The following SAMD5 variants were observed in gnomAD, a reference collection of about 807,000 sequenced individuals.
The protein encoded by SAMD5 is sterile alpha motif domain containing 5.
SAMD5 carries 13 observed loss-of-function variants against 11.3 expected under a neutral mutation model. The ratio of observed to expected loss-of-function variants is 1.15; its 90% CI spans 0.75 to 1.83. The LOEUF is 1.83. Among genes scored for constraint, SAMD5 ranks in the 40% most tolerant of loss-of-function variants. The probability of loss-of-function intolerance (pLI) is 0.00; values close to 1 mark genes in which losing one functional copy is unlikely to be tolerated. For synonymous variants in SAMD5, 129 were observed against 111.3 expected (o/e 1.16, Z -1.00); for missense variants, 255 against 239.1 (o/e 1.07, Z -0.44).
chr6:147,797,870 A>T, the SAMD5 span, among the ~76,000 whole-genome samples: 5 of 151,114 alleles, frequency 3.3e-5, no homozygotes, highest in East Asian at 7.8e-4. Flanking sequence ...GTTTTGTAGT[A>T]TTCTCTGATG....
At chr6:147,691,396 A>G (rs975546919) in intron 1 of SAMD5, among the ~76,000 whole-genome samples, 1 of 152,242 alleles carries the variant, frequency 6.6e-6, no homozygotes, top group Non-Finnish European at 1.5e-5. Context: ...ATTAATTAAT[A>G]CAAAAATATC....
intron 1 of SAMD5, among the ~76,000 whole-genome samples, chr6:147,582,676 A>G (rs891346897): frequency 6.6e-6 from 1 of 152,230 alleles, no homozygotes; most frequent in Non-Finnish European, 1.5e-5. Flanking sequence ...GACTAAAGTG[A>G]AAGCCAGAAT....
intron 1 of SAMD5, among the ~76,000 whole-genome samples, chr6:147,550,955 AAC>A (rs947367888): frequency 3.4e-4 from 52 of 152,276 alleles, no homozygotes; most frequent in African/African-American, 1.2e-3. Context: ...CTGGTGCCAT[AAC>A]ACACAGATTT....
At chr6:147,724,808 G>A (rs753590932) in intron 1 of SAMD5, among the ~76,000 whole-genome samples, 27 of 152,032 alleles carry the variant, frequency 1.8e-4, no homozygotes, top group Non-Finnish European at 3.5e-4. Flanking sequence ...GAAATAAAGT[G>A]TTTCTTAAAG....
At chr6:147,817,991 T>C in the SAMD5 span, among the ~76,000 whole-genome samples, 1 of 152,232 alleles carries the variant, frequency 6.6e-6, no homozygotes, top group East Asian at 1.9e-4. Flanking sequence ...AAGAAATCTT[T>C]ATGAAAATTT....
chr6:147,655,536 T>A (rs551138439), intron 1 of SAMD5, among the ~76,000 whole-genome samples: 1 of 152,312 alleles, frequency 6.6e-6, no homozygotes, highest in South Asian at 2.1e-4. Flanking sequence ...ACAGAGACAT[T>A]CAGAGTGACT....
intron 1 of SAMD5, among the ~76,000 whole-genome samples, chr6:147,693,058 A>G (rs188632179): frequency 2.6e-5 from 4 of 152,354 alleles, no homozygotes; most frequent in Middle Eastern, 6.8e-3. Context: ...ATTGATCTCA[A>G]TTAAAATCAG....
the SAMD5 span, among the ~76,000 whole-genome samples, chr6:147,795,822 G>A: frequency 2.0e-5 from 3 of 151,626 alleles, no homozygotes; most frequent in Non-Finnish European, 2.9e-5. Flanking sequence ...GCCAGTGATG[G>A]TGAGCATTTT....
chr6:147,848,761 A>G, the SAMD5 span, among the ~76,000 whole-genome samples: 1 of 152,194 alleles, frequency 6.6e-6, no homozygotes, highest in African/African-American at 2.4e-5. Context: ...GCAGACCTCA[A>G]CCAAACAATC....
chr6:147,587,341 G>C (rs1014422485), intron 1 of SAMD5, among the ~76,000 whole-genome samples: 4 of 152,076 alleles, frequency 2.6e-5, no homozygotes, highest in African/African-American at 7.2e-5. Context: ...AGGTTCAAGT[G>C]GTTCTCCTAT....
chr6:147,522,765 T>G (rs1788273826), intron 1 of SAMD5, among the ~76,000 whole-genome samples: 1 of 152,184 alleles, frequency 6.6e-6, no homozygotes, highest in Non-Finnish European at 1.5e-5. Flanking sequence ...TTTTGGAAGT[T>G]TCGGTCTCTG....
the SAMD5 span, among the ~76,000 whole-genome samples, chr6:147,809,324 C>T: frequency 6.6e-6 from 1 of 152,098 alleles, no homozygotes; most frequent in African/African-American, 2.4e-5. Flanking sequence ...TTTCTAGCTG[C>T]TATAGCCTGG....
the SAMD5 span, among the ~76,000 whole-genome samples, chr6:147,755,188 T>C: frequency 6.6e-6 from 1 of 152,168 alleles, no homozygotes; most frequent in Non-Finnish European, 1.5e-5. Flanking sequence ...TTCCAATTCA[T>C]GAACATGGAA....
the SAMD5 span, among the ~76,000 whole-genome samples, chr6:147,928,681 G>T: frequency 6.6e-6 from 1 of 151,746 alleles, no homozygotes; most frequent in African/African-American, 2.4e-5. Flanking sequence ...CTCTGATTTT[G>T]GTTATTTCTT....
intron 1 of SAMD5, among the ~76,000 whole-genome samples, chr6:147,694,432 T>A (rs1791146622): frequency 6.6e-6 from 1 of 152,182 alleles, no homozygotes; most frequent in African/African-American, 2.4e-5. Context: ...TGGGATGTGA[T>A]AGGTTGGTGG....
At chr6:147,775,700 A>G in the SAMD5 span, among the ~76,000 whole-genome samples, 2 of 152,214 alleles carry the variant, frequency 1.3e-5, no homozygotes, top group Non-Finnish European at 2.9e-5. Context: ...GGACTGTGGT[A>G]GAAGGATCAT....
the SAMD5 span, among the ~76,000 whole-genome samples, chr6:147,909,818 GTT>G: frequency 1.1e-4 from 16 of 152,038 alleles, no homozygotes; most frequent in East Asian, 2.7e-3. Context: ...TAGAGAAAAA[GTT>G]TGCTAACCAC....
chr6:147,669,999 G>A (rs977782144), intron 1 of SAMD5, among the ~76,000 whole-genome samples: 4 of 152,102 alleles, frequency 2.6e-5, no homozygotes, highest in East Asian at 1.9e-4. Flanking sequence ...ACCACCTTAC[G>A]AAATGTGTTT....
the SAMD5 span, among the ~76,000 whole-genome samples, chr6:147,906,623 G>A: frequency 6.6e-6 from 1 of 152,212 alleles, no homozygotes; most frequent in Non-Finnish European, 1.5e-5. Context: ...AGAGGCATGG[G>A]TAGGATAATT....
Sources: gnomAD v4.1 joint callset for allele counts (sites outside exome capture counted in the v4.1 genomes callset) on GRCh38, gnomAD v4.1.1 for gene constraint, MANE v1.5 for transcripts, NCBI Gene and HGNC (gene_info 2026-07-23, HGNC 2026-07-21) for gene names.